UGGT2: variants seen among roughly 807,000 people sequenced by gnomAD.
The protein encoded by UGGT2 is UDP-glucose glycoprotein glucosyltransferase 2.
A neutral mutation model predicts 192.1 loss-of-function variants in UGGT2; 180 were observed. The ratio of observed to expected loss-of-function variants is 0.94; its 90% CI spans 0.83 to 1.06. The LOEUF (loss-of-function observed/expected upper bound fraction) is 1.06, where lower values mean the gene tolerates loss of function less well. Among genes scored for constraint, UGGT2 ranks in the 50% least tolerant of loss-of-function variants. UGGT2 has a pLI of 0.00. For synonymous variants in UGGT2, 580 were observed against 591.0 expected (o/e 0.98, Z 0.27); for missense variants, 1,849 against 1,795.7 (o/e 1.03, Z -0.54).
chr13:95,825,662 G>A (rs1885964355), intron 38 of UGGT2, among the ~76,000 whole-genome samples: 1 of 152,162 alleles, frequency 6.6e-6, no homozygotes. Flanking sequence ...CCCCAGCTGT[G>A]TCTGCAGTGG....
intron 38 of UGGT2, among the ~76,000 whole-genome samples, chr13:95,823,783 T>C (rs1394724566): frequency 1.3e-5 from 2 of 152,230 alleles, no homozygotes; most frequent in East Asian, 1.9e-4. Flanking sequence ...TATGGGGTAA[T>C]GTTCTATTCA....
intron 38 of UGGT2, among the ~76,000 whole-genome samples, chr13:95,830,141 A>G (rs369039421): frequency 6.6e-6 from 1 of 152,228 alleles, no homozygotes; most frequent in Non-Finnish European, 1.5e-5. Flanking sequence ...AAGATGGATT[A>G]AAGACTTAAA....
chr13:95,964,870 T>C (rs2050517359), intron 12 of UGGT2, among the ~76,000 whole-genome samples: 1 of 150,986 alleles, frequency 6.6e-6, no homozygotes, highest in Non-Finnish European at 1.5e-5. Context: ...ATATCCAGAA[T>C]CTACAATGAA....
In UGGT2 at chr13:95,838,317, G is replaced by A. The variant is rs116262352; in HGVS notation, c.4285-1115C>T. Among the ~76,000 whole-genome samples, 464 of 152,206 alleles carry A rather than the reference G, an allele frequency of 3.0e-3. 2 individuals are homozygous for A. Among genetic ancestry groups the A allele is most frequent in the African/African-American group, 0.011 (443 of 41,534 alleles). On this transcript the variant is annotated intron_variant, in intron 36 of 38. Transcript: ENST00000376747. ...GAAATCAAAGAACACTGAAATACAT[G>A]AAGAGATATTCTATGTTCACACATA...
In UGGT2 at chr13:95,928,562, G is replaced by A. The variant is rs578081880; in HGVS notation, c.1978-1226C>T. Among the ~76,000 whole-genome samples the A allele has an allele frequency of 4.6e-5, 7 of 151,864 alleles. No homozygotes were observed. The South Asian group carries it at 6.3e-4, about 14-fold the overall frequency. Reference sequence around the variant, plus strand: ...CACTCCTCAGTTCCCAGACGGGGTCGCGGCGGGGCAGAGGTGCTCTTCACA... The same window carrying A: ...CACTCCTCAGTTCCCAGACGGGGTCACGGCGGGGCAGAGGTGCTCTTCACA... On this transcript the variant is annotated intron_variant, in intron 17 of 38. Transcript: ENST00000376747.
At chr13:95,909,885 C>T (rs1269064871) in intron 20 of UGGT2, among the ~76,000 whole-genome samples, 15 of 148,652 alleles carry the variant, frequency 1.0e-4, no homozygotes, top group South Asian at 4.2e-4. Flanking sequence ...AGACTAACAA[C>T]GGACCTCTCA....
intron 26 of UGGT2, among the ~76,000 whole-genome samples, chr13:95,886,139 A>G (rs572121981): frequency 6.6e-6 from 1 of 152,226 alleles, no homozygotes; most frequent in African/African-American, 2.4e-5. Flanking sequence ...TAACTAAAAA[A>G]GAAGAAAGAT....
At chr13:95,949,107 A>C (rs76636095) in intron 13 of UGGT2, among the ~76,000 whole-genome samples, 1 of 152,148 alleles carries the variant, frequency 6.6e-6, no homozygotes, top group Non-Finnish European at 1.5e-5. Flanking sequence ...TTTCCTTTAT[A>C]AATTACCCAG....
rs951699824 is a variant in UGGT2 at position 95,999,429 on chromosome 13, ACT to A, written c.661-124_661-123del. The A allele has an allele frequency of 8.6e-5, 73 of 851,338 alleles. No homozygotes were observed. In the African/African-American group the frequency reaches 1.0e-3, roughly 12 times the overall value. 52.7% of individuals were successfully genotyped at this position (851,338 alleles called of 1,614,324 possible). On this transcript the variant is annotated intron_variant, in intron 5 of 38. Coordinates refer to ENST00000376747, the MANE Select transcript of UGGT2 (RefSeq NM_020121.4). The stretch of plus-strand genomic sequence containing the variant: ...TTACTAATATTGAAGGTTTTTAATC[ACT>A]CTGAAAAATTTGGGGGTTGTTTATA...
At position 95,937,051 on chromosome 13, in the gene UGGT2, G is replaced by C. The variant is rs779606118; in HGVS notation, c.1850C>G (p.Pro617Arg). ...ASFYKMTGLG[P>R]LPQALYNGEP... Reference sequence around the variant, plus strand: ...ACCATTATAAAGAGCTTGAGGCAAAGGACCCAGGCCAGTCATCTTATAAAA... The same window carrying C: ...ACCATTATAAAGAGCTTGAGGCAAACGACCCAGGCCAGTCATCTTATAAAA... The change falls in exon 17 of 39, where the codon CCT becomes CGT. Residue 617 changes from proline to arginine, a missense_variant. Coordinates refer to ENST00000376747, the MANE Select transcript of UGGT2 (RefSeq NM_020121.4). The C allele has an allele frequency of 1.2e-6, 2 of 1,603,000 alleles. No homozygotes were observed. The highest frequency in any genetic ancestry group is 2.3e-5 in the South Asian group (2 of 88,186).
intron 15 of UGGT2, among the ~76,000 whole-genome samples, chr13:95,942,824 C>G (rs1398930305): frequency 6.6e-6 from 1 of 152,070 alleles, no homozygotes; most frequent in Non-Finnish European, 1.5e-5. Flanking sequence ...CAGTATTTTC[C>G]TGCAGACTTA....
At chr13:95,965,294 A>G (rs1230625715) in intron 12 of UGGT2, among the ~76,000 whole-genome samples, 6 of 150,852 alleles carry the variant, frequency 4.0e-5, no homozygotes, top group African/African-American at 1.5e-4. Context: ...ATGCACATGT[A>G]TGTTTATTGC....
chr13:96,049,728 A>G (rs543104550), intron 1 of UGGT2, among the ~76,000 whole-genome samples: 1 of 152,344 alleles, frequency 6.6e-6, no homozygotes, highest in African/African-American at 2.4e-5. Context: ...TCCCATTCAC[A>G]ATTGCTTCAA....
At chr13:95,820,620 A>AAT (rs1305100921) in intron 38 of UGGT2, among the ~76,000 whole-genome samples, 1 of 152,112 alleles carries the variant, frequency 6.6e-6, no homozygotes, top group Non-Finnish European at 1.5e-5. Context: ...TTTTTATTTC[A>AAT]ATAGCTTTTG....
intron 38 of UGGT2, among the ~76,000 whole-genome samples, chr13:95,810,891 A>G (rs1195759976): frequency 6.6e-6 from 1 of 152,232 alleles, no homozygotes; most frequent in Non-Finnish European, 1.5e-5. Context: ...AAATATACAA[A>G]GAACTCTTAC....
intron 5 of UGGT2, among the ~76,000 whole-genome samples, chr13:96,006,075 G>A (rs2051964460): frequency 6.6e-6 from 1 of 152,138 alleles, no homozygotes; most frequent in Non-Finnish European, 1.5e-5. Context: ...AGTCTGAAGA[G>A]ACAAATCAAT....
At chr13:95,913,168 A>G (rs548754618) in intron 20 of UGGT2, among the ~76,000 whole-genome samples, 4 of 152,370 alleles carry the variant, frequency 2.6e-5, no homozygotes, top group East Asian at 1.9e-4. Context: ...CATTTAGGAC[A>G]TAGGCATGGT....
At chr13:95,985,224 G>T in intron 9 of UGGT2, 1 of 1,127,174 alleles carries the variant, frequency 8.9e-7, no homozygotes, top group African/African-American at 1.6e-5. Flanking sequence ...AAACAGATAT[G>T]ACATTTATAC....
intron 38 of UGGT2, among the ~76,000 whole-genome samples, chr13:95,818,478 C>G (rs548250031): frequency 6.6e-6 from 1 of 152,176 alleles, no homozygotes; most frequent in Non-Finnish European, 1.5e-5. Context: ...AACAGAAAAC[C>G]TGCAAACTCA....
Sources: gnomAD v4.1 joint callset for allele counts (sites outside exome capture counted in the v4.1 genomes callset) on GRCh38, gnomAD v4.1.1 for gene constraint, MANE v1.5 for transcripts, NCBI Gene and HGNC (gene_info 2026-07-23, HGNC 2026-07-21) for gene names.